Variants in SFMBT2 observed in about 807,000 individuals in gnomAD.
SFMBT2 encodes the protein Scm like with four mbt domains 2.
In SFMBT2, 38 loss-of-function variants were observed where a neutral mutation model predicts 110.1. The ratio of observed to expected loss-of-function variants is 0.35; its 90% CI spans 0.27 to 0.45. The LOEUF (loss-of-function observed/expected upper bound fraction) is 0.45. Ranked by LOEUF, SFMBT2 falls within the 20% of genes least tolerant of loss-of-function variation. The probability of loss-of-function intolerance (pLI) is 1.00; values close to 1 mark genes in which losing one functional copy is unlikely to be tolerated. For synonymous variants in SFMBT2, 425 were observed against 425.4 expected, an observed-to-expected ratio of 1.00 and a Z score of 0.01; for missense variants, 1,011 against 1,094.9, an observed-to-expected ratio of 0.92 and a Z score of 1.08.
In SFMBT2 at chr10:7,171,469, C is replaced by T; in HGVS notation, c.2416-413G>A. ...CCCTTTCTGCTGATCTCACACCACC[C>T]ATGGGGCTAGGGGAGACCTGAAACA... On this transcript the variant is annotated intron_variant, in intron 19 of 20. Coordinates refer to ENST00000397167, the MANE Select transcript of SFMBT2 (RefSeq NM_001387889.1). The surrounding 1 kb of genome is among the most constrained non-coding windows in gnomAD (Gnocchi z 4.9). 1.0e-6 allele frequency: 1 copy of T among 985,394 alleles called. No homozygotes were observed. 61.0% of individuals were successfully genotyped at this position (985,394 alleles called of 1,614,324 possible).
chr10:7,210,991 C>T (rs537173667), intron 11 of SFMBT2, among the ~76,000 whole-genome samples: 18 of 152,186 alleles, frequency 1.2e-4, no homozygotes, highest in African/African-American at 4.3e-4. Flanking sequence ...CCATTCCAAG[C>T]GTTCAATCCT....
chr10:7,240,654 C>T (rs915202501), intron 9 of SFMBT2, among the ~76,000 whole-genome samples: 1 of 152,118 alleles, frequency 6.6e-6, no homozygotes, highest in Non-Finnish European at 1.5e-5. Context: ...TCCACCGTCT[C>T]ACCAAGCTGA....
rs1293879351 is a variant in SFMBT2 at position 7,163,918 on chromosome 10, A to G, written c.2545-8T>C. On this transcript the variant is annotated splice_region_variant and splice_polypyrimidine_tract_variant and intron_variant, in intron 20 of 20. Transcript: ENST00000397167. This position sits in a 1 kb window ranked among gnomAD's most constrained non-coding sequence, Gnocchi z 4.8. ...TGCTTGGCCGTCAATATCCTGCAGGAAAAGAAAGGCAGGTTAGAGAAGGGG... is the reference window on the plus strand; with the variant it reads ...TGCTTGGCCGTCAATATCCTGCAGGGAAAGAAAGGCAGGTTAGAGAAGGGG... 48 of 1,611,032 alleles carry G rather than the reference A, an allele frequency of 3.0e-5. No individual in the cohort carries two copies. Among genetic ancestry groups the G allele is most frequent in the African/African-American group, 5.3e-5 (4 of 74,802 alleles).
rs998600347 is a variant in SFMBT2, at chr10:7,170,297, A to T, written c.2544+631T>A. Among the ~76,000 whole-genome samples the T allele has an allele frequency of 8.5e-5, 13 of 152,198 alleles. No homozygotes were observed. Among genetic ancestry groups the T allele is most frequent in the African/African-American group, 3.1e-4 (13 of 41,454 alleles). ...AGATTTGCCAAAAGGCACTGACAGG[A>T]GGCTCAACCAAAACCAGTTCTCTCC... On this transcript the variant is annotated intron_variant, in intron 20 of 20. Transcript: ENST00000397167. This position sits in a 1 kb window ranked among gnomAD's most constrained non-coding sequence, Gnocchi z 4.6.
At chr10:7,381,207 C>T (rs891259956) in intron 2 of SFMBT2, among the ~76,000 whole-genome samples, 3 of 152,200 alleles carry the variant, frequency 2.0e-5, no homozygotes, top group Non-Finnish European at 4.4e-5. Context: ...CACCAATCCG[C>T]ATGACCTCAC....
At chr10:7,258,945 G>A (rs986303419) in intron 7 of SFMBT2, among the ~76,000 whole-genome samples, 3 of 152,180 alleles carry the variant, frequency 2.0e-5, no homozygotes, top group Admixed American at 6.5e-5. Flanking sequence ...TTTACTTACA[G>A]AGGTAAAGAG....
chr10:7,275,130 G>A (rs928137910), intron 7 of SFMBT2, among the ~76,000 whole-genome samples: 4 of 152,224 alleles, frequency 2.6e-5, no homozygotes, highest in South Asian at 2.1e-4. Flanking sequence ...CCCTGGTCCC[G>A]CAGGGAGGCA....
intron 7 of SFMBT2, among the ~76,000 whole-genome samples, chr10:7,266,385 C>A (rs901637788): frequency 6.6e-6 from 1 of 152,178 alleles, no homozygotes; most frequent in South Asian, 2.1e-4. Flanking sequence ...CCACCACGCC[C>A]AGTCCAGGGT....
intron 1 of SFMBT2, among the ~76,000 whole-genome samples, chr10:7,405,767 T>C (rs1846191980): frequency 6.6e-6 from 1 of 152,128 alleles, no homozygotes; most frequent in East Asian, 1.9e-4. Context: ...ATGACTCACT[T>C]GTCCCAGATC....
At chr10:7,214,888 G>A (rs979158331) in intron 11 of SFMBT2, among the ~76,000 whole-genome samples, 4 of 152,148 alleles carry the variant, frequency 2.6e-5, no homozygotes, top group South Asian at 2.1e-4. Context: ...TTTGTTATTC[G>A]CACTCTAAAG....
intron 15 of SFMBT2, among the ~76,000 whole-genome samples, chr10:7,195,861 C>A (rs1838751209): frequency 6.6e-6 from 1 of 152,208 alleles, no homozygotes; most frequent in Non-Finnish European, 1.5e-5. Flanking sequence ...CTCATGTGGG[C>A]CAGGGACCAC....
rs139893277 is a variant in SFMBT2, at chr10:7,203,395, G to C, written c.1445-873C>G. 2.9e-3 allele frequency: 529 copies of C among 179,558 alleles called. 3 individuals are homozygous for C. The highest frequency in any genetic ancestry group is 0.011 in the African/African-American group (476 of 42,026). The allele number at this position is 179,558 out of a possible 1,614,324, so 11.1% of individuals were successfully genotyped here. ...GGTGAAAAATGAGTTTGGAATACTT[G>C]TCTCCCCTGGTCTTTGTTAGCGGGG... On this transcript the variant is annotated intron_variant, in intron 12 of 20. Transcript: ENST00000397167.
chr10:7,186,441 C>CAT (rs1838410082), intron 16 of SFMBT2, among the ~76,000 whole-genome samples: 1 of 139,226 alleles, frequency 7.2e-6, no homozygotes, highest in African/African-American at 3.0e-5. Context: ...CACACACACA[C>CAT]ACACACACAC....
chr10:7,172,177 C>A lies in SFMBT2; in HGVS notation c.2152-19G>T. 1 of 1,530,788 alleles carries A rather than the reference C, an allele frequency of 6.5e-7. No homozygotes were observed. Among genetic ancestry groups the A allele is most frequent in the Non-Finnish European group, 8.8e-7 (1 of 1,138,066 alleles). The allele number at this position is 1,530,788 out of a possible 1,614,324, so 94.8% of individuals were successfully genotyped here. A position where few individuals can be genotyped will look rare whatever the true frequency, so the allele number is the denominator to read the frequency against. On this transcript the variant is annotated intron_variant, in intron 18 of 20. Coordinates refer to ENST00000397167, the MANE Select transcript of SFMBT2 (RefSeq NM_001387889.1). This position sits in a 1 kb window ranked among gnomAD's most constrained non-coding sequence, Gnocchi z 4.6. ...CACTTTCCTGGGAAGGAGGAAAAGG[C>A]ATTTAAGGGGCTGGTGGCCCGGGGG...
intron 2 of SFMBT2, among the ~76,000 whole-genome samples, chr10:7,379,955 G>GCAAC (rs1845376678): frequency 6.6e-6 from 1 of 151,486 alleles, no homozygotes; most frequent in South Asian, 2.1e-4. Flanking sequence ...GAGATACACT[G>GCAAC]CAACCGTGTG....
At chr10:7,266,092 CT>C (rs947560753) in intron 7 of SFMBT2, among the ~76,000 whole-genome samples, 28 of 146,748 alleles carry the variant, frequency 1.9e-4, no homozygotes, top group African/African-American at 3.2e-4. Context: ...GTTTTCTTTC[CT>C]TTTTTTTTTT....
chr10:7,218,021 A>G (rs530367847), intron 11 of SFMBT2, among the ~76,000 whole-genome samples: 110 of 152,242 alleles, frequency 7.2e-4, no homozygotes, highest in Non-Finnish European at 1.2e-3. Flanking sequence ...ATCAACTTCA[A>G]GAGAAGTCAG....
intron 1 of SFMBT2, among the ~76,000 whole-genome samples, chr10:7,389,126 T>C (rs1282308480): frequency 1.3e-5 from 2 of 152,224 alleles, no homozygotes; most frequent in East Asian, 1.9e-4. Context: ...CAGCAACTAA[T>C]GGAACCTATG....
At chr10:7,276,739 G>C (rs999301098) in intron 7 of SFMBT2, among the ~76,000 whole-genome samples, 153 bp downstream of exon 7, 1 of 152,088 alleles carries the variant, frequency 6.6e-6, no homozygotes, top group African/African-American at 2.4e-5. Flanking sequence ...TGTTAGCCAG[G>C]ATGGTCTCGA....
Sources: allele counts gnomAD v4.1 joint callset (sites outside exome capture counted in the v4.1 genomes callset), GRCh38; gene constraint gnomAD v4.1.1; non-coding constraint Gnocchi (gnomAD v3.1); transcripts MANE v1.5; gene names NCBI Gene and HGNC (gene_info 2026-07-23, HGNC 2026-07-21).